ST8SIA1: variants seen among roughly 807,000 people sequenced by gnomAD.
ST8SIA1 encodes the protein alpha-N-acetylneuraminide alpha-2,8-sialyltransferase.
A neutral mutation model predicts 35.9 loss-of-function variants in ST8SIA1; 16 were observed. The observed-to-expected ratio is 0.45, with a 90% CI of 0.30 to 0.68. ST8SIA1 has a LOEUF of 0.68. Among genes scored for constraint, ST8SIA1 ranks in the 30% least tolerant of loss-of-function variants. The pLI is 0.09. For missense variants in ST8SIA1, 383 were observed against 453.6 expected, an observed-to-expected ratio of 0.84 and a Z score of 1.41; for synonymous variants, 170 against 169.6, an observed-to-expected ratio of 1.00 and a Z score of -0.02.
Position 22,201,763 on chromosome 12 carries a change from CAG to C in ST8SIA1, c.858_859del (p.Cys287Ter), listed in dbSNP as rs1447504642. The stretch of plus-strand genomic sequence containing the variant: ...GAAGCCATAGATGGCCACCTCTTCA[CAG>C]AGACCCAGAGCTGCGCTCACCAGAA... On this transcript the variant is annotated frameshift_variant, in exon 5 of 5. Coordinates refer to ENST00000396037, the MANE Select transcript of ST8SIA1 (RefSeq NM_003034.4). LOFTEE classifies it high-confidence loss of function. The C allele has an allele frequency of 6.2e-7, 1 of 1,614,128 alleles. No homozygotes were observed. Among genetic ancestry groups the C allele is most frequent in the East Asian group, 2.2e-5 (1 of 44,876 alleles).
chr12:22,230,846 T>C lies in ST8SIA1; in HGVS notation c.584+18160A>G, dbSNP rs959350058. The stretch of plus-strand genomic sequence containing the variant: ...GGGAATGGGAGCAAGGATACCACAA[T>C]TGGGGAGGGGGTAATGGAAAGCAGC... On this transcript the variant is annotated intron_variant, in intron 4 of 4. Transcript: ENST00000396037. 1.4e-4 allele frequency among the ~76,000 whole-genome samples: 22 copies of C among 152,050 alleles called. No homozygotes were observed. In the South Asian group the frequency reaches 1.7e-3, roughly 12 times the overall value.
chr12:22,303,482 G>A (rs61924168), intron 1 of ST8SIA1, among the ~76,000 whole-genome samples: 33,108 of 152,014 alleles, frequency 0.22, 4,824 homozygotes, highest in East Asian at 0.55. Flanking sequence ...GTAGAGAGCA[G>A]TCTTCAGCCT....
intron 1 of ST8SIA1, among the ~76,000 whole-genome samples, chr12:22,296,233 G>A (rs1444691764): frequency 6.6e-6 from 1 of 152,124 alleles, no homozygotes; most frequent in Non-Finnish European, 1.5e-5. Flanking sequence ...ACACAGGGTT[G>A]GGTGCATGCG....
At chr12:22,282,415 G>A (rs1866048185) in intron 2 of ST8SIA1, among the ~76,000 whole-genome samples, 1 of 152,322 alleles carries the variant, frequency 6.6e-6, no homozygotes. Context: ...CTGGAAAACT[G>A]AACTTCCCAG....
intron 1 of ST8SIA1, among the ~76,000 whole-genome samples, chr12:22,331,799 T>C (rs919944723): frequency 3.3e-5 from 5 of 152,190 alleles, no homozygotes; most frequent in Admixed American, 3.3e-4. Context: ...GGACCAATAA[T>C]GTTTACCTGT....
At chr12:22,239,596 T>A (rs1004185297) in intron 4 of ST8SIA1, among the ~76,000 whole-genome samples, 1 of 152,236 alleles carries the variant, frequency 6.6e-6, no homozygotes, top group Non-Finnish European at 1.5e-5. Context: ...TATTTAGTAA[T>A]CTACTGCATC....
At chr12:22,258,050 T>C (rs1269162718) in intron 2 of ST8SIA1, among the ~76,000 whole-genome samples, 1 of 151,578 alleles carries the variant, frequency 6.6e-6, no homozygotes, top group African/African-American at 2.4e-5. Context: ...CCTATCACCA[T>C]CACTGGGGTA....
At chr12:22,289,658 T>C (rs1866150847) in intron 1 of ST8SIA1, among the ~76,000 whole-genome samples, 1 of 152,158 alleles carries the variant, frequency 6.6e-6, no homozygotes, top group Non-Finnish European at 1.5e-5. Context: ...TGCTTCCAGG[T>C]CTTTGTACCT....
intron 4 of ST8SIA1, among the ~76,000 whole-genome samples, chr12:22,209,258 TAACAA>T (rs1249395335): frequency 1.3e-5 from 2 of 151,744 alleles, no homozygotes; most frequent in Non-Finnish European, 2.9e-5. Context: ...TAGCACAACA[TAACAA>T]AACAGTAGTA....
chr12:22,253,274 T>C (rs564183042), intron 3 of ST8SIA1, among the ~76,000 whole-genome samples: 5 of 152,306 alleles, frequency 3.3e-5, no homozygotes, highest in Admixed American at 1.3e-4. Flanking sequence ...CAGCCTCACC[T>C]AATGCCAAAG....
Position 22,334,521 on chromosome 12 carries a change from A to G in ST8SIA1, c.-289T>C. On this transcript the variant is annotated 5_prime_UTR_variant, in exon 1 of 5. Transcript: ENST00000396037. ...CAGAAGGCGGGCGCTGGGGTCTCCG[A>G]GTGCGCAGAGAGCGGCGGCGGCGAG... 2.1e-6 allele frequency: 1 copy of G among 480,812 alleles called. No individual in the cohort carries two copies. Among genetic ancestry groups the G allele is most frequent in the Non-Finnish European group, 3.7e-6 (1 of 267,570 alleles). 29.8% of individuals were successfully genotyped at this position (480,812 alleles called of 1,614,324 possible).
intron 1 of ST8SIA1, among the ~76,000 whole-genome samples, chr12:22,297,244 G>T (rs1435775493): frequency 6.6e-6 from 1 of 151,628 alleles, no homozygotes; most frequent in Non-Finnish European, 1.5e-5. Flanking sequence ...GAATTATACA[G>T]ATTTTTTAAG....
intron 4 of ST8SIA1, among the ~76,000 whole-genome samples, chr12:22,237,386 G>A (rs1865487416): frequency 6.6e-6 from 1 of 152,104 alleles, no homozygotes; most frequent in Admixed American, 6.5e-5. Context: ...TTGCAGGTGT[G>A]AGCCACTGTG....
chr12:22,234,457 C>T (rs1865453874), intron 4 of ST8SIA1, among the ~76,000 whole-genome samples: 1 of 152,086 alleles, frequency 6.6e-6, no homozygotes, highest in Non-Finnish European at 1.5e-5. Flanking sequence ...ATTTTGCACA[C>T]ATCTTAGTAA....
At chr12:22,212,650 C>T (rs566400825) in intron 4 of ST8SIA1, among the ~76,000 whole-genome samples, 1 of 152,296 alleles carries the variant, frequency 6.6e-6, no homozygotes, top group Admixed American at 6.5e-5. Context: ...TGCTCTTCAC[C>T]TCGCAAGCTA....
intron 4 of ST8SIA1, among the ~76,000 whole-genome samples, chr12:22,210,272 G>A (rs141574366): frequency 7.3e-4 from 111 of 152,228 alleles, no homozygotes; most frequent in Admixed American, 1.7e-3. Context: ...CATATGTGGT[G>A]CATGGGAAAA....
intron 1 of ST8SIA1, among the ~76,000 whole-genome samples, chr12:22,301,982 T>C (rs1866323991): frequency 6.6e-6 from 1 of 152,186 alleles, no homozygotes; most frequent in African/African-American, 2.4e-5. Context: ...ATGTGAAAGA[T>C]AATTATTCTT....
At chr12:22,280,157 TA>T (rs1439634967) in intron 2 of ST8SIA1, among the ~76,000 whole-genome samples, 3 of 152,198 alleles carry the variant, frequency 2.0e-5, no homozygotes, top group Non-Finnish European at 2.9e-5. Context: ...TAATAGAGTT[TA>T]AAAGTACAAA....
At chr12:22,283,368 C>T (rs1457762344) in intron 2 of ST8SIA1, among the ~76,000 whole-genome samples, 1 of 152,218 alleles carries the variant, frequency 6.6e-6, no homozygotes, top group East Asian at 1.9e-4. Flanking sequence ...TTGTGTCCTT[C>T]CTTGGCAAGA....
Sources: gnomAD v4.1 joint callset for allele counts (sites outside exome capture counted in the v4.1 genomes callset) on GRCh38, gnomAD v4.1.1 for gene constraint, MANE v1.5 for transcripts, NCBI Gene and HGNC (gene_info 2026-07-23, HGNC 2026-07-21) for gene names.